Variants in SART3 observed in about 807,000 individuals in gnomAD.
SART3 encodes spliceosome associated factor 3, U4/U6 recycling protein.
Under a neutral mutation model 122.3 loss-of-function variants are expected in SART3, and 44 were observed. That is an observed-to-expected ratio of 0.36 (90% CI 0.28 to 0.46). The LOEUF is 0.46. Among genes scored for constraint, SART3 ranks in the 20% least tolerant of loss-of-function variants. The pLI, the probability that SART3 is intolerant of heterozygous loss-of-function variation, is 1.00. For missense variants in SART3, 1,101 were observed against 1,229.0 expected (o/e 0.90, Z 1.56); for synonymous variants, 442 against 454.0 (o/e 0.97, Z 0.34).
intron 6 of SART3, chr12:108,542,783 G>A (rs1331635746): frequency 1.7e-6 from 1 of 596,112 alleles, no homozygotes; most frequent in African/African-American, 1.8e-5. Context: ...TCGGGAGAGG[G>A]AGGAGGAGGC....
chr12:108,527,288 G>A (rs186099118), intron 15 of SART3, among the ~76,000 whole-genome samples: 5 of 152,268 alleles, frequency 3.3e-5, no homozygotes, highest in Non-Finnish European at 7.4e-5. Flanking sequence ...ATGCATCTGA[G>A]TTCAAACCCA....
chr12:108,542,644 C>A, intron 6 of SART3: 1 of 344,166 alleles, frequency 2.9e-6, no homozygotes, highest in South Asian at 2.4e-5. Flanking sequence ...CAGCATGATT[C>A]CAATATATAA....
intron 15 of SART3, among the ~76,000 whole-genome samples, chr12:108,528,482 CAAAA>C (rs398039961): frequency 2.0e-5 from 2 of 98,478 alleles, no homozygotes; most frequent in Admixed American, 1.2e-4. Flanking sequence ...GACTCCCTCT[CAAAA>C]AAAAAAAAAA....
At chr12:108,530,672 T>C (rs748694148) in intron 14 of SART3, among the ~76,000 whole-genome samples, 6 of 151,976 alleles carry the variant, frequency 3.9e-5, no homozygotes, top group Admixed American at 1.3e-4. Flanking sequence ...CTAGCTAACA[T>C]GGTGAAACCC....
intron 1 of SART3, among the ~76,000 whole-genome samples, chr12:108,556,277 T>C (rs551537267): frequency 2.0e-5 from 3 of 152,278 alleles, no homozygotes; most frequent in Non-Finnish European, 4.4e-5. Context: ...AATTTATTTT[T>C]TGTAAACACA....
At chr12:108,539,573 G>A (rs1873067648) in intron 6 of SART3, among the ~76,000 whole-genome samples, 1 of 152,224 alleles carries the variant, frequency 6.6e-6, no homozygotes, top group Admixed American at 6.5e-5. Flanking sequence ...CAGCTGTGCT[G>A]AATGTTTAAT....
In SART3 at chr12:108,545,228, G is replaced by C. The variant is rs758860539; in HGVS notation, c.640C>G (p.Leu214Val). ...GTCATATGTAAACCAACAGACGAGAGAGCCCTTTCAAACACGGAGCGAACT... is the reference window on the plus strand; with the variant it reads ...GTCATATGTAAACCAACAGACGAGACAGCCCTTTCAAACACGGAGCGAACT... The part of the protein sequence containing the change: ...EKVRSVFERA[L>V]SSVGLHMTKG... The change falls in exon 4 of 19, where the codon CTC (leucine) becomes GTC (valine). Residue 214 changes from leucine (L) to valine (V), a missense_variant. Leu to Val is a conservative substitution (Grantham distance 32). Transcript: ENST00000546815. 3 of 1,614,006 alleles carry C rather than the reference G, an allele frequency of 1.9e-6. No homozygotes were observed. The highest frequency in any genetic ancestry group is 2.7e-5 in the African/African-American group (2 of 74,890).
chr12:108,553,750 G>A (rs1369754663), intron 1 of SART3, among the ~76,000 whole-genome samples: 6 of 152,156 alleles, frequency 3.9e-5, no homozygotes, highest in African/African-American at 7.2e-5. Context: ...TGGGGACAAG[G>A]ACCAACCATT....
chr12:108,558,712 G>A (rs1176665368), intron 1 of SART3, among the ~76,000 whole-genome samples: 2 of 152,170 alleles, frequency 1.3e-5, no homozygotes, highest in South Asian at 4.1e-4. Context: ...GAATGAGTAA[G>A]ACTAAATTAG....
At chr12:108,533,240 T>TC (rs1314121862) in intron 12 of SART3, among the ~76,000 whole-genome samples, 1 of 152,164 alleles carries the variant, frequency 6.6e-6, no homozygotes, top group East Asian at 1.9e-4. Context: ...CTGGACTTTT[T>TC]CACTGTGTTG....
Position 108,543,041 on chromosome 12 carries a change from T to G in SART3, c.893A>C (p.Tyr298Ser). ...GCCAACACTTACCAGTGCTTCTTCA[T>G]AGGGTTTATATTTCTCCAGCTGCTG... Reference protein sequence around the residue: ...ALQQLEKYKPYEEALLQAEAP... With the variant: ...ALQQLEKYKPSEEALLQAEAP... The change falls in exon 6 of 19, where the codon TAT (tyrosine) becomes TCT (serine). Residue 298 changes from tyrosine to serine, a missense_variant. By Grantham distance (144) the Tyr-to-Ser change is moderately radical. Coordinates refer to ENST00000546815, the MANE Select transcript of SART3 (RefSeq NM_014706.4). 6.2e-7 allele frequency: 1 copy of G among 1,614,232 alleles called. No homozygotes were observed. The highest frequency in any genetic ancestry group is 8.5e-7 in the Non-Finnish European group (1 of 1,180,026).
At chr12:108,553,007 T>G (rs554373621) in intron 1 of SART3, among the ~76,000 whole-genome samples, 2 of 151,912 alleles carry the variant, frequency 1.3e-5, no homozygotes, top group Non-Finnish European at 2.9e-5. Flanking sequence ...ATGAAGAGAA[T>G]AGAACCCAGT....
chr12:108,546,005 A>G (rs1873400131), intron 3 of SART3, among the ~76,000 whole-genome samples: 1 of 147,772 alleles, frequency 6.8e-6, no homozygotes, highest in Admixed American at 6.7e-5. Flanking sequence ...ATATAGTTTT[A>G]TATTCATAAA....
chr12:108,555,267 A>G (rs958560043), intron 1 of SART3, among the ~76,000 whole-genome samples: 16 of 152,264 alleles, frequency 1.1e-4, no homozygotes, highest in African/African-American at 3.9e-4. Flanking sequence ...GTAATTTTAA[A>G]TAGGATAGCA....
Position 108,523,544 on chromosome 12 carries a change from G to A in SART3, c.2805C>T (p.Ala935=), listed in dbSNP as rs763228644. Residue 935 remains alanine (A), a synonymous_variant, in exon 19 of 19, where the codon GCC becomes GCT. Transcript: ENST00000546815. ...CTGGGGCGGCAACTGCAGGAGCCGC[G>A]GCAGGGCCGTTCTCAGCCTGAGGAG... ...AAAPQAENGP[A]AAPAVAAPAA... The A allele has an allele frequency of 3.8e-5, 61 of 1,613,790 alleles. No individual in the cohort carries two copies. Among genetic ancestry groups the A allele is most frequent in the Admixed American group, 1.2e-4 (7 of 59,992 alleles).
At chr12:108,531,638 C>A (rs1549097) in intron 13 of SART3, 67 of 5,452 alleles carry the variant, frequency 0.012, no homozygotes, top group African/African-American at 0.039. Context: ...GTGGTCTTTG[C>A]AAGCCAGTTC....
intron 6 of SART3, among the ~76,000 whole-genome samples, chr12:108,539,936 A>G (rs780162926): frequency 2.0e-5 from 3 of 152,220 alleles, no homozygotes; most frequent in Non-Finnish European, 4.4e-5. Context: ...AACAAGAAAT[A>G]CTAAGGACTA....
Position 108,560,854 on chromosome 12 carries a change from G to T in SART3, c.301C>A (p.Leu101Met), listed in dbSNP as rs753843655. 1 of 1,592,478 alleles carries T rather than the reference G, an allele frequency of 6.3e-7. No individual in the cohort carries two copies. Among genetic ancestry groups the T allele is most frequent in the Non-Finnish European group, 8.6e-7 (1 of 1,165,660 alleles). ...EEKNQLEIER[L>M]EEQLSINVYD... is the part of the protein sequence containing the mutation. ...ACCCCCGGGCCCACCTGCTCCTCCA[G>T]TCTCTCAATCTCCAGCTGGTTTTTC... Residue 101 changes from leucine to methionine, a missense_variant, in exon 1 of 19, where the codon CTG becomes ATG. Physicochemically the swap from Leu to Met is conservative, Grantham distance 15 (BLOSUM62 2). Coordinates refer to ENST00000546815, the MANE Select transcript of SART3 (RefSeq NM_014706.4).
rs996031650 is a variant in SART3, at chr12:108,523,210, C to T, written c.*247G>A. 2 of 585,408 alleles carry T rather than the reference C, an allele frequency of 3.4e-6. No homozygotes were observed. The highest frequency in any genetic ancestry group is 3.1e-6 in the Non-Finnish European group (1 of 327,472). 36.3% of individuals were successfully genotyped at this position (585,408 alleles called of 1,614,324 possible). The stretch of plus-strand genomic sequence containing the variant: ...CTCAGTCTTTAAGATACAAAACTAT[C>T]TCAGGACACCACATCCTGGGCCCAG... On this transcript the variant is annotated 3_prime_UTR_variant, in exon 19 of 19. Coordinates refer to ENST00000546815, the MANE Select transcript of SART3 (RefSeq NM_014706.4).
Sources: allele counts gnomAD v4.1 joint callset (sites outside exome capture counted in the v4.1 genomes callset), GRCh38; gene constraint gnomAD v4.1.1; transcripts MANE v1.5; gene names NCBI Gene and HGNC (gene_info 2026-07-23, HGNC 2026-07-21).